NCKAP5: variants seen among roughly 807,000 people sequenced by gnomAD.
NCKAP5 encodes the protein NCK associated protein 5.
NCKAP5 carries 92 observed loss-of-function variants against 167.0 expected under a neutral mutation model. The observed-to-expected ratio is 0.55, with a 90% CI of 0.47 to 0.66. The LOEUF (loss-of-function observed/expected upper bound fraction) is 0.66. Ranked by LOEUF, NCKAP5 falls within the 30% of genes least tolerant of loss-of-function variation. The pLI is 0.00. For synonymous variants in NCKAP5, 891 were observed against 877.4 expected (o/e 1.02, Z -0.27); for missense variants, 2,378 against 2,315.0 (o/e 1.03, Z -0.56).
chr2:132,710,262 AAAAAC>A (rs1196314062), intron 19 of NCKAP5, among the ~76,000 whole-genome samples: 2 of 152,158 alleles, frequency 1.3e-5, no homozygotes, highest in African/African-American at 4.8e-5. Flanking sequence ...AAACAAAACT[AAAAAC>A]AAAACAGTTA....
At chr2:133,327,082 C>G (rs1358159251) in intron 3 of NCKAP5, among the ~76,000 whole-genome samples, 2 of 152,160 alleles carry the variant, frequency 1.3e-5, no homozygotes, top group Non-Finnish European at 2.9e-5. Context: ...AACTTCAAAC[C>G]CTTTGAATCA....
intron 11 of NCKAP5, among the ~76,000 whole-genome samples, chr2:132,848,178 C>G (rs1351729199): frequency 2.0e-5 from 3 of 152,120 alleles, no homozygotes; most frequent in African/African-American, 7.2e-5. Context: ...TGGTAATCCA[C>G]CCAGATGCAA....
At chr2:133,031,966 C>A (rs1202831699) in intron 6 of NCKAP5, among the ~76,000 whole-genome samples, 1 of 152,006 alleles carries the variant, frequency 6.6e-6, no homozygotes, top group Non-Finnish European at 1.5e-5. Flanking sequence ...GCAGTGATGC[C>A]CAGGTACTAT....
rs201294911 is a variant in NCKAP5, at chr2:132,782,009, T to C, written c.4802A>G (p.Glu1601Gly). 496 of 1,614,008 alleles carry C rather than the reference T, an allele frequency of 3.1e-4. No individual in the cohort carries two copies. The highest frequency in any genetic ancestry group is 4.9e-4 in the Middle Eastern group (3 of 6,062). Residue 1601 changes from glutamate to glycine, a missense_variant, in exon 14 of 20, where the codon GAA becomes GGA. Physicochemically the swap from Glu to Gly is moderately conservative, Grantham distance 98. Around this residue, in one of 3 missense-constraint regions of NCKAP5, gnomAD observed 1,325 missense variants for 1,274.5 expected, o/e 1.04. Transcript: ENST00000409261. ...AACAGGGCTGTGTCTATTCCTTGGT[T>C]CAATCTTCAGTTGGTTGTAAATGTC... ...PQDIYNQLKI[E>G]PRNRHSPVAC...
At chr2:133,583,217 G>A in the NCKAP5 span, among the ~76,000 whole-genome samples, 2 of 152,112 alleles carry the variant, frequency 1.3e-5, no homozygotes, top group Non-Finnish European at 2.9e-5. Flanking sequence ...CTGGTGGGAG[G>A]TGACTATATC....
intron 3 of NCKAP5, among the ~76,000 whole-genome samples, chr2:133,338,635 A>C (rs1226831358): frequency 6.6e-6 from 1 of 152,204 alleles, no homozygotes; most frequent in African/African-American, 2.4e-5. Context: ...AAAACTACCA[A>C]GTGTTTTCTG....
At chr2:133,403,706 T>C (rs1427256135) in intron 3 of NCKAP5, among the ~76,000 whole-genome samples, 1 of 152,224 alleles carries the variant, frequency 6.6e-6, no homozygotes, top group Non-Finnish European at 1.5e-5. Context: ...ATGTCCCCAC[T>C]TTGGGCACGT....
At chr2:133,178,791 C>G (rs1309647744) in intron 5 of NCKAP5, among the ~76,000 whole-genome samples, 1 of 139,564 alleles carries the variant, frequency 7.2e-6, no homozygotes, top group African/African-American at 2.7e-5. Flanking sequence ...CGCCACTGCA[C>G]TCCAGCCTGG....
chr2:133,292,153 A>G (rs978489807), intron 4 of NCKAP5, among the ~76,000 whole-genome samples: 2 of 152,170 alleles, frequency 1.3e-5, no homozygotes, highest in African/African-American at 4.8e-5. Context: ...ACCCATTTGG[A>G]GAGAGATACA....
chr2:132,861,446 A>T (rs901324083), intron 10 of NCKAP5, among the ~76,000 whole-genome samples: 39 of 152,110 alleles, frequency 2.6e-4, no homozygotes, highest in African/African-American at 9.4e-4. Context: ...AAGGTTCTTC[A>T]AAAGCTGACC....
At chr2:132,779,390 C>T (rs1323900313) in intron 15 of NCKAP5, among the ~76,000 whole-genome samples, 2 of 152,022 alleles carry the variant, frequency 1.3e-5, no homozygotes, top group Admixed American at 1.3e-4. Context: ...AGGGGCTCTG[C>T]CAGGCTATCA....
At chr2:132,904,073 G>A (rs1383227628) in intron 8 of NCKAP5, among the ~76,000 whole-genome samples, 2 of 152,056 alleles carry the variant, frequency 1.3e-5, no homozygotes, top group Admixed American at 1.3e-4. Context: ...CGGATCCTGA[G>A]GTCAGGAGAT....
intron 8 of NCKAP5, among the ~76,000 whole-genome samples, chr2:132,928,271 C>T (rs1696075978): frequency 6.6e-6 from 1 of 152,128 alleles, no homozygotes; most frequent in Admixed American, 6.6e-5. Context: ...TGAATTATTC[C>T]TGAAGCTCTT....
chr2:133,548,837 C>T (rs1687001721), intron 2 of NCKAP5, among the ~76,000 whole-genome samples: 1 of 151,572 alleles, frequency 6.6e-6, no homozygotes, highest in Non-Finnish European at 1.5e-5. Context: ...GCAAAATCAC[C>T]AGCTAACATC....
chr2:133,137,683 G>C (rs1188021283), intron 5 of NCKAP5, among the ~76,000 whole-genome samples: 1 of 152,146 alleles, frequency 6.6e-6, no homozygotes, highest in African/African-American at 2.4e-5. Flanking sequence ...TTAGCAAAGG[G>C]ATAGAGATGT....
the NCKAP5 span, among the ~76,000 whole-genome samples, chr2:133,595,052 A>C: frequency 2.6e-5 from 4 of 152,314 alleles, no homozygotes; most frequent in African/African-American, 9.6e-5. Context: ...GTGGATTCCC[A>C]GGGGGCACTT....
At chr2:133,374,564 G>C (rs527990998) in intron 3 of NCKAP5, among the ~76,000 whole-genome samples, 2 of 151,346 alleles carry the variant, frequency 1.3e-5, no homozygotes, top group Non-Finnish European at 2.9e-5. Flanking sequence ...GGTGAAGTGC[G>C]TGTGTAGGGC....
intron 2 of NCKAP5, among the ~76,000 whole-genome samples, chr2:133,521,333 G>T (rs2104772600): frequency 6.6e-6 from 1 of 152,290 alleles, no homozygotes; most frequent in African/African-American, 2.4e-5. Flanking sequence ...TATAGAAGAA[G>T]AATGTGCTGA....
At chr2:133,503,338 T>C (rs1682707302) in intron 3 of NCKAP5, among the ~76,000 whole-genome samples, 1 of 152,208 alleles carries the variant, frequency 6.6e-6, no homozygotes, top group South Asian at 2.1e-4. Context: ...TTCTGGAGTA[T>C]GACTTTTAAC....
Sources: gnomAD v4.1 joint callset for allele counts (sites outside exome capture counted in the v4.1 genomes callset) on GRCh38, gnomAD v4.1.1 for gene constraint, gnomAD v4.1.1 regional missense constraint, MANE v1.5 for transcripts, NCBI Gene and HGNC (gene_info 2026-07-23, HGNC 2026-07-21) for gene names.